The following ZMAT4 variants were observed in gnomAD, a reference collection of about 807,000 sequenced individuals.
ZMAT4 encodes the protein zinc finger matrin-type 4.
In ZMAT4, 17 loss-of-function variants were observed where a neutral mutation model predicts 28.7. The observed-to-expected ratio is 0.59, with a 90% confidence interval of 0.41 to 0.89. The LOEUF (loss-of-function observed/expected upper bound fraction) is 0.89. Ranked by LOEUF, ZMAT4 falls within the 40% of genes least tolerant of loss-of-function variation. The probability of loss-of-function intolerance (pLI) is 0.00; values close to 1 mark genes in which losing one functional copy is unlikely to be tolerated. For missense variants in ZMAT4, 240 were observed against 283.8 expected, an observed-to-expected ratio of 0.85 and a Z score of 1.11; for synonymous variants, 117 against 109.2, an observed-to-expected ratio of 1.07 and a Z score of -0.44.
At chr8:40,737,908 C>G (rs909728029) in intron 3 of ZMAT4, among the ~76,000 whole-genome samples, 1 of 151,968 alleles carries the variant, frequency 6.6e-6, no homozygotes, top group Non-Finnish European at 1.5e-5. Flanking sequence ...TGGTCCACTG[C>G]AGGCACTTGG....
At chr8:40,625,825 G>C (rs28579734) in intron 5 of ZMAT4, among the ~76,000 whole-genome samples, 1,549 of 41,520 alleles carry the variant, frequency 0.037, 22 homozygotes, top group African/African-American at 0.095. Context: ...AGACCAGACT[G>C]GGGGGCTGGG....
At chr8:40,704,655 G>T (rs1444790222) in intron 3 of ZMAT4, among the ~76,000 whole-genome samples, 13 of 152,232 alleles carry the variant, frequency 8.5e-5, no homozygotes, top group Non-Finnish European at 1.8e-4. Flanking sequence ...GCCTGACACA[G>T]GTCTGGATTT....
chr8:40,871,265 C>CAATTCTATGAG (rs1364461672), intron 1 of ZMAT4, among the ~76,000 whole-genome samples: 3 of 152,172 alleles, frequency 2.0e-5, no homozygotes, highest in African/African-American at 4.8e-5. Context: ...AAGATTAGTA[C>CAATTCTATGAG]AATTCTATGA....
At chr8:40,755,450 G>T (rs1812639107) in intron 3 of ZMAT4, among the ~76,000 whole-genome samples, 1 of 152,018 alleles carries the variant, frequency 6.6e-6, no homozygotes, top group Non-Finnish European at 1.5e-5. Flanking sequence ...ATTAATATTT[G>T]AATTTCCTGT....
At chr8:40,599,928 A>T (rs1026801760) in intron 5 of ZMAT4, among the ~76,000 whole-genome samples, 3 of 151,998 alleles carry the variant, frequency 2.0e-5, no homozygotes, top group Non-Finnish European at 4.4e-5. Flanking sequence ...TAGACTGATT[A>T]TCTCCTTTCA....
chr8:40,692,572 C>T (rs1809707319), intron 4 of ZMAT4, among the ~76,000 whole-genome samples: 1 of 152,150 alleles, frequency 6.6e-6, no homozygotes, highest in South Asian at 2.1e-4. Flanking sequence ...CAGGTCTTAA[C>T]ACACAATCAA....
intron 5 of ZMAT4, among the ~76,000 whole-genome samples, chr8:40,615,045 T>A (rs576926429): frequency 2.4e-4 from 36 of 152,166 alleles, no homozygotes; most frequent in Non-Finnish European, 4.7e-4. Flanking sequence ...TTTTGGCATG[T>A]TTTTGCAGTG....
chr8:40,868,772 C>T (rs1417059938), intron 1 of ZMAT4, among the ~76,000 whole-genome samples: 2 of 152,162 alleles, frequency 1.3e-5, no homozygotes, highest in African/African-American at 2.4e-5. Flanking sequence ...AAGTGCCTGC[C>T]CGTGCCTCTC....
intron 3 of ZMAT4, among the ~76,000 whole-genome samples, chr8:40,715,301 A>G (rs966466408): frequency 4.6e-5 from 7 of 152,098 alleles, no homozygotes; most frequent in Non-Finnish European, 1.0e-4. Context: ...AATGATAACT[A>G]CCAAACAGAG....
At chr8:40,867,067 C>T (rs1258681321) in intron 1 of ZMAT4, among the ~76,000 whole-genome samples, 1 of 152,134 alleles carries the variant, frequency 6.6e-6, no homozygotes, top group African/African-American at 2.4e-5. Context: ...TCTACAGCCT[C>T]CACCATTGGA....
intron 2 of ZMAT4, among the ~76,000 whole-genome samples, chr8:40,775,736 G>A (rs894260513): frequency 5.3e-5 from 8 of 152,116 alleles, no homozygotes; most frequent in African/African-American, 1.4e-4. Flanking sequence ...TTATAGGATC[G>A]TGGACATTTG....
At chr8:40,779,236 A>T (rs533958489) in intron 2 of ZMAT4, among the ~76,000 whole-genome samples, 1 of 152,252 alleles carries the variant, frequency 6.6e-6, no homozygotes, top group East Asian at 1.9e-4. Flanking sequence ...ACCATGTAAG[A>T]CATGCTTTTT....
intron 1 of ZMAT4, among the ~76,000 whole-genome samples, chr8:40,860,186 A>G (rs1239395953): frequency 6.6e-6 from 1 of 152,178 alleles, no homozygotes; most frequent in African/African-American, 2.4e-5. Context: ...GCTGTTTTGT[A>G]GATATCTCCC....
intron 5 of ZMAT4, among the ~76,000 whole-genome samples, chr8:40,615,361 T>G (rs1200804129): frequency 6.6e-6 from 1 of 152,210 alleles, no homozygotes; most frequent in Non-Finnish European, 1.5e-5. Context: ...CCTTAAGATT[T>G]TTTACCTCAT....
intron 1 of ZMAT4, among the ~76,000 whole-genome samples, chr8:40,885,536 T>A (rs571623121): frequency 2.2e-4 from 34 of 152,372 alleles, no homozygotes; most frequent in African/African-American, 8.2e-4. Flanking sequence ...TATTCATGTA[T>A]TTATTTTAAG....
intron 5 of ZMAT4, among the ~76,000 whole-genome samples, chr8:40,593,027 A>G (rs933831199): frequency 2.0e-5 from 3 of 152,196 alleles, no homozygotes; most frequent in African/African-American, 7.2e-5. Flanking sequence ...ACCACATATT[A>G]AATAACAATA....
intron 2 of ZMAT4, among the ~76,000 whole-genome samples, chr8:40,790,146 C>T (rs1814262925): frequency 1.3e-5 from 2 of 152,172 alleles, no homozygotes; most frequent in African/African-American, 2.4e-5. Flanking sequence ...CTATAGCAAG[C>T]TCTGAATAAA....
At chr8:40,751,045 A>G (rs748508474) in intron 3 of ZMAT4, among the ~76,000 whole-genome samples, 13 of 152,320 alleles carry the variant, frequency 8.5e-5, no homozygotes, top group Non-Finnish European at 1.6e-4. Flanking sequence ...TGCAATATGT[A>G]TGATCAATCC....
rs182602642 is a variant in ZMAT4, at chr8:40,719,774, T to C, written c.193-22373A>G. Reference sequence around the variant, plus strand: ...TTAGTAGAGATGAGGTTTTGCCATGTTGGACAGGCTGGTCTTGAACTCCTG... The same window carrying C: ...TTAGTAGAGATGAGGTTTTGCCATGCTGGACAGGCTGGTCTTGAACTCCTG... On this transcript the variant is annotated intron_variant, in intron 3 of 6. Coordinates refer to ENST00000297737, the MANE Select transcript of ZMAT4 (RefSeq NM_024645.3). 9.7e-4 allele frequency among the ~76,000 whole-genome samples: 147 copies of C among 152,286 alleles called. 1 individual carries two copies. Among genetic ancestry groups the C allele is most frequent in the African/African-American group, 3.2e-3 (131 of 41,572 alleles).
Sources: gnomAD v4.1 joint callset for allele counts (sites outside exome capture counted in the v4.1 genomes callset) on GRCh38, gnomAD v4.1.1 for gene constraint, MANE v1.5 for transcripts, NCBI Gene and HGNC (gene_info 2026-07-23, HGNC 2026-07-21) for gene names.